Variants in HIP1 observed in about 807,000 individuals in gnomAD.
HIP1 encodes huntingtin-interacting protein 1.
In HIP1, 65 loss-of-function variants were observed where a neutral mutation model predicts 147.6. The observed-to-expected ratio is 0.44, with a 90% CI of 0.36 to 0.54. HIP1 has a LOEUF of 0.54. HIP1 is among the 20% of genes least tolerant of loss of function. The pLI, the probability that HIP1 is intolerant of heterozygous loss-of-function variation, is 0.00. For missense variants in HIP1, 1,061 were observed against 1,299.6 expected (o/e 0.82, Z 2.82); for synonymous variants, 479 against 504.0 (o/e 0.95, Z 0.67).
chr7:75,714,465 T>A (rs1801255554), intron 1 of HIP1, among the ~76,000 whole-genome samples: 1 of 151,274 alleles, frequency 6.6e-6, no homozygotes, highest in African/African-American at 2.4e-5. Context: ...CTTTTTTTTT[T>A]TTTTTGAGAC....
At position 75,568,145 on chromosome 7, in the gene HIP1, T is replaced by C. The variant is rs1357607828; in HGVS notation, c.803+54A>G. ...CTCACAGTGCACTTGCATGGCTTAA[T>C]GATTTTATAGCGCTCTTGAATTCAC... On this transcript the variant is annotated intron_variant, in intron 9 of 30. Coordinates refer to ENST00000336926, the MANE Select transcript of HIP1 (RefSeq NM_005338.7). This position sits in a 1 kb window ranked among gnomAD's most constrained non-coding sequence, Gnocchi z 4.1. The C allele has an allele frequency of 4.7e-6, 6 of 1,280,680 alleles. No individual in the cohort carries two copies. In the South Asian group the frequency reaches 4.7e-5, roughly 10 times the overall value. The allele number at this position is 1,280,680 out of a possible 1,614,324, so 79.3% of individuals were successfully genotyped here.
chr7:75,738,105 C>A (rs1307834187), intron 1 of HIP1, among the ~76,000 whole-genome samples: 2 of 143,552 alleles, frequency 1.4e-5, no homozygotes, highest in African/African-American at 4.9e-5. Flanking sequence ...TCAGGCACAT[C>A]TTGGGGGATA....
chr7:75,542,764 C>A, intron 28 of HIP1, 87 bp downstream of exon 28: 2 of 1,232,364 alleles, frequency 1.6e-6, no homozygotes, highest in African/African-American at 1.5e-5. Context: ...AGACACAGTC[C>A]TGTGGGATTT....
chr7:75,729,490 A>G (rs2117401323), intron 1 of HIP1, among the ~76,000 whole-genome samples: 1 of 151,808 alleles, frequency 6.6e-6, no homozygotes, highest in East Asian at 1.9e-4. Context: ...CTATCTCTTA[A>G]AAAACAAAAA....
intron 1 of HIP1, among the ~76,000 whole-genome samples, chr7:75,656,527 G>A (rs1357652933): frequency 1.3e-5 from 2 of 152,116 alleles, no homozygotes; most frequent in African/African-American, 4.8e-5. Flanking sequence ...GCCCAGGCTG[G>A]AGTGCAATGG....
intron 1 of HIP1, among the ~76,000 whole-genome samples, chr7:75,716,694 G>A (rs6467486): frequency 0.54 from 81,252 of 150,678 alleles, 22,454 homozygotes; most frequent in African/African-American, 0.65. Context: ...TAATTTTTTT[G>A]TATTTTTAGT....
rs587685032 is a variant in HIP1 at position 75,591,921 on chromosome 7, C to T, written c.384+135G>A. ...GTACTCTTTGGGGGCATCCTTAGTC[C>T]GTCTCTGGCACCCATGGGAGAAATC... On this transcript the variant is annotated intron_variant, in intron 4 of 30. Coordinates refer to ENST00000336926, the MANE Select transcript of HIP1 (RefSeq NM_005338.7). 365 of 776,566 alleles carry T rather than the reference C, an allele frequency of 4.7e-4. 3 individuals are homozygous for T. The South Asian group carries it at 4.9e-3, about 10-fold the overall frequency. The allele number at this position is 776,566 out of a possible 1,614,324, so 48.1% of individuals were successfully genotyped here. A position where few individuals can be genotyped will look rare whatever the true frequency, so the allele number is the denominator to read the frequency against.
At chr7:75,611,242 G>A (rs980338822) in intron 1 of HIP1, among the ~76,000 whole-genome samples, 10 of 151,846 alleles carry the variant, frequency 6.6e-5, no homozygotes, top group South Asian at 2.1e-4. Flanking sequence ...TGAGATGGGC[G>A]GATTACTTGA....
intron 1 of HIP1, among the ~76,000 whole-genome samples, chr7:75,718,957 A>G (rs544966575): frequency 3.2e-4 from 49 of 152,220 alleles, no homozygotes; most frequent in African/African-American, 1.2e-3. Context: ...GGAGCAGATA[A>G]ACCCGGAGAC....
intron 1 of HIP1, among the ~76,000 whole-genome samples, chr7:75,678,111 C>T (rs2117263036): frequency 6.6e-6 from 1 of 152,182 alleles, no homozygotes; most frequent in East Asian, 1.9e-4. Flanking sequence ...TGAGGATGGA[C>T]TCATTCTAAC....
chr7:75,597,476 A>G (rs972442086), intron 2 of HIP1, among the ~76,000 whole-genome samples: 1 of 152,180 alleles, frequency 6.6e-6, no homozygotes, highest in Non-Finnish European at 1.5e-5. Context: ...GCGGTGGCTC[A>G]TGCCTGTAAT....
chr7:75,561,612 A>G (rs1554494563), intron 12 of HIP1, among the ~76,000 whole-genome samples: 9 of 152,164 alleles, frequency 5.9e-5, no homozygotes, highest in Non-Finnish European at 4.4e-5. Flanking sequence ...AGGGGCCAAT[A>G]TTTGAGGGTC....
At position 75,534,998 on chromosome 7, in the gene HIP1, CTCTTCA is replaced by C. The variant is rs1317345402; in HGVS notation, c.*3168_*3173del. On this transcript the variant is annotated 3_prime_UTR_variant, in exon 31 of 31. Transcript: ENST00000336926. ...TAATCCAAGGTGTGTCATTAAATAG[CTCTTCA>C]TCTTCATTTTTAGAAGAGTCACAAT... is the stretch of plus-strand genomic sequence containing the variant. The C allele has an allele frequency of 4.8e-6, 1 of 207,332 alleles. No individual in the cohort carries two copies. The highest frequency in any genetic ancestry group is 9.8e-6 in the Non-Finnish European group (1 of 101,738). The allele number at this position is 207,332 out of a possible 1,614,324, so 12.8% of individuals were successfully genotyped here.
intron 13 of HIP1, 94 bp downstream of exon 13, chr7:75,561,235 T>TGAGC: frequency 1.1e-6 from 1 of 934,292 alleles, no homozygotes; most frequent in Non-Finnish European, 1.8e-6. Flanking sequence ...ATTACAGGTG[T>TGAGC]GAGCCACTGT....
chr7:75,682,020 T>C (rs1800095862), intron 1 of HIP1, among the ~76,000 whole-genome samples: 1 of 12,368 alleles, frequency 8.1e-5, no homozygotes, highest in East Asian at 2.0e-3. Flanking sequence ...AACAACCTCT[T>C]TTTTTTTTTT....
intron 1 of HIP1, among the ~76,000 whole-genome samples, chr7:75,651,771 T>C (rs1260745332): frequency 6.6e-6 from 1 of 152,170 alleles, no homozygotes; most frequent in Non-Finnish European, 1.5e-5. Context: ...CTTGGGGTTG[T>C]TTTGACGCTA....
intron 1 of HIP1, among the ~76,000 whole-genome samples, chr7:75,655,011 A>G (rs1202388237): frequency 2.6e-5 from 4 of 152,158 alleles, no homozygotes; most frequent in African/African-American, 9.7e-5. Flanking sequence ...AGTTAAACCG[A>G]ATTACCACAT....
chr7:75,681,894 G>C (rs1466039543), intron 1 of HIP1, among the ~76,000 whole-genome samples: 2 of 151,776 alleles, frequency 1.3e-5, no homozygotes, highest in Non-Finnish European at 2.9e-5. Context: ...ATCTGGTCCT[G>C]TCGTGTCCAC....
At position 75,677,522 on chromosome 7, in the gene HIP1, C is replaced by G. The variant is rs1181205467; in HGVS notation, c.120+61279G>C. On this transcript the variant is annotated intron_variant, in intron 1 of 30. Transcript: ENST00000336926. The stretch of plus-strand genomic sequence containing the variant: ...TCAGGAGGTTGAGGCATGAGAATTG[C>G]TTGAACCTGGAGGTGGAGTTTGCAG... 3.4e-5 allele frequency among the ~76,000 whole-genome samples: 5 copies of G among 145,904 alleles called. No homozygotes were observed. The Admixed American group carries it at 3.6e-4, about 10-fold the overall frequency.
Sources: allele counts gnomAD v4.1 joint callset (sites outside exome capture counted in the v4.1 genomes callset), GRCh38; gene constraint gnomAD v4.1.1; non-coding constraint Gnocchi (gnomAD v3.1); transcripts MANE v1.5; gene names NCBI Gene and HGNC (gene_info 2026-07-23, HGNC 2026-07-21).